CNTN4: variants seen among roughly 807,000 people sequenced by gnomAD.
The protein encoded by CNTN4 is contactin-4.
Under a neutral mutation model 122.5 loss-of-function variants are expected in CNTN4, and 77 were observed. The ratio of observed to expected loss-of-function variants is 0.63; its 90% CI spans 0.52 to 0.76. The LOEUF (loss-of-function observed/expected upper bound fraction) is 0.76, where lower values mean the gene tolerates loss of function less well. CNTN4 is among the 30% of genes least tolerant of loss of function. The pLI is 0.00. For missense variants in CNTN4, 1,256 were observed against 1,259.1 expected (o/e 1.00, Z 0.04); for synonymous variants, 512 against 447.0 (o/e 1.15, Z -1.83).
intron 2 of CNTN4, among the ~76,000 whole-genome samples, chr3:2,229,497 T>C (rs2039405261): frequency 6.6e-6 from 1 of 152,174 alleles, no homozygotes; most frequent in South Asian, 2.1e-4. Flanking sequence ...AATTATGCAG[T>C]GCTAAACATT....
intron 4 of CNTN4, among the ~76,000 whole-genome samples, chr3:2,572,046 A>G (rs1425279083): frequency 6.6e-6 from 1 of 152,194 alleles, no homozygotes; most frequent in East Asian, 1.9e-4. Context: ...AAAACACAGG[A>G]GGTTTTTACC....
intron 3 of CNTN4, among the ~76,000 whole-genome samples, chr3:2,353,739 C>CA (rs1279967779): frequency 1.3e-5 from 2 of 152,076 alleles, no homozygotes; most frequent in Non-Finnish European, 2.9e-5. Context: ...ACTAAAAACA[C>CA]AAAAACAAAA....
intron 2 of CNTN4, among the ~76,000 whole-genome samples, chr3:2,281,093 C>A (rs1489945175): frequency 6.6e-6 from 1 of 152,184 alleles, no homozygotes; most frequent in East Asian, 1.9e-4. Flanking sequence ...TTACACAAGT[C>A]ATCCCTGGTC....
chr3:2,919,501 C>CT (rs1268704096), intron 12 of CNTN4, among the ~76,000 whole-genome samples: 1 of 152,138 alleles, frequency 6.6e-6, no homozygotes, highest in Non-Finnish European at 1.5e-5. Flanking sequence ...ATATTCTTGC[C>CT]TTCAAGGAAC....
intron 4 of CNTN4, among the ~76,000 whole-genome samples, chr3:2,734,222 A>G (rs1177984016): frequency 6.6e-6 from 1 of 151,994 alleles, no homozygotes; most frequent in African/African-American, 2.4e-5. Context: ...CACCAAGCCC[A>G]GCTAATTTTT....
intron 2 of CNTN4, among the ~76,000 whole-genome samples, chr3:2,212,649 A>G (rs2038673321): frequency 2.0e-5 from 3 of 152,242 alleles, no homozygotes. Flanking sequence ...AGATTTGGAT[A>G]GGGACACAGC....
At chr3:3,048,491 ACTCT>A (rs1700905752) in intron 23 of CNTN4, among the ~76,000 whole-genome samples, 1 of 133,456 alleles carries the variant, frequency 7.5e-6, no homozygotes, top group African/African-American at 2.8e-5. Context: ...CCAATGAATA[ACTCT>A]CTCTCTTTCT....
At chr3:2,928,825 A>G (rs749103914) in intron 13 of CNTN4, among the ~76,000 whole-genome samples, 13 of 152,216 alleles carry the variant, frequency 8.5e-5, no homozygotes, top group Non-Finnish European at 1.8e-4. Context: ...GTGGTATTAG[A>G]AGCAATATTT....
At chr3:3,033,188 AATT>A (rs538135661) in intron 16 of CNTN4, among the ~76,000 whole-genome samples, 2 of 152,206 alleles carry the variant, frequency 1.3e-5, no homozygotes, top group Non-Finnish European at 2.9e-5. Flanking sequence ...TAGTGAAAAA[AATT>A]ATATTGTCTT....
intron 6 of CNTN4, among the ~76,000 whole-genome samples, chr3:2,790,064 C>G (rs2091961420): frequency 6.6e-6 from 1 of 152,054 alleles, no homozygotes. Context: ...ACACAATTTA[C>G]AAGCATAATT....
chr3:3,032,179 C>G (rs114030434), intron 16 of CNTN4, among the ~76,000 whole-genome samples: 2,919 of 152,170 alleles, frequency 0.019, 85 homozygotes, highest in African/African-American at 0.067. Context: ...GGTAGATCTG[C>G]CCACAGAATA....
chr3:3,040,306 A>C, intron 20 of CNTN4, 35 bp downstream of exon 20: 1 of 1,462,388 alleles, frequency 6.8e-7, no homozygotes, highest in Non-Finnish European at 9.6e-7. Context: ...TTGACTGTTA[A>C]TATTTCTTCA....
intron 13 of CNTN4, among the ~76,000 whole-genome samples, chr3:2,952,279 C>T (rs1442108931): frequency 3.9e-5 from 6 of 152,186 alleles, no homozygotes; most frequent in Admixed American, 3.9e-4. Context: ...TAGTCCAAGA[C>T]TCTCTTGGAT....
At chr3:2,241,435 A>G (rs142152710) in intron 2 of CNTN4, among the ~76,000 whole-genome samples, 1 of 152,158 alleles carries the variant, frequency 6.6e-6, no homozygotes, top group East Asian at 1.9e-4. Context: ...ATCACTTGCC[A>G]TTTCACTCAT....
intron 4 of CNTN4, among the ~76,000 whole-genome samples, chr3:2,625,635 G>A (rs1459760989): frequency 6.6e-6 from 1 of 152,118 alleles, no homozygotes; most frequent in Non-Finnish European, 1.5e-5. Flanking sequence ...TTAAGTTCCT[G>A]AGATTCATCC....
intron 6 of CNTN4, among the ~76,000 whole-genome samples, chr3:2,797,760 G>T (rs7647953): frequency 0.31 from 46,822 of 151,930 alleles, 7,890 homozygotes; most frequent in Non-Finnish European, 0.39. Context: ...TAAAATATTT[G>T]TAAGGCATTC....
intron 3 of CNTN4, among the ~76,000 whole-genome samples, chr3:2,504,403 C>G (rs1226815605): frequency 6.6e-6 from 1 of 152,074 alleles, no homozygotes; most frequent in Middle Eastern, 3.2e-3. Context: ...CTTCAGAAGC[C>G]TAGTATTTCC....
At chr3:2,615,656 T>C (rs532091739) in intron 4 of CNTN4, among the ~76,000 whole-genome samples, 4 of 152,280 alleles carry the variant, frequency 2.6e-5, no homozygotes, top group African/African-American at 9.6e-5. Flanking sequence ...GTTTCAAGGG[T>C]AAAATTTAAT....
intron 4 of CNTN4, among the ~76,000 whole-genome samples, chr3:2,696,502 G>A (rs932016344): frequency 3.3e-5 from 5 of 152,158 alleles, no homozygotes; most frequent in Non-Finnish European, 5.9e-5. Context: ...CCCTTCAGAC[G>A]ACACAGCCTC....
Sources: allele counts gnomAD v4.1 joint callset (sites outside exome capture counted in the v4.1 genomes callset), GRCh38; gene constraint gnomAD v4.1.1; transcripts MANE v1.5; gene names NCBI Gene and HGNC (gene_info 2026-07-23, HGNC 2026-07-21).